The following SLC9A1 variants were observed in gnomAD, a reference collection of about 807,000 sequenced individuals.
SLC9A1 encodes the protein sodium/hydrogen exchanger 1.
Under a neutral mutation model 67.9 loss-of-function variants are expected in SLC9A1, and 22 were observed. The observed-to-expected ratio is 0.32, with a 90% CI of 0.23 to 0.46. The LOEUF (loss-of-function observed/expected upper bound fraction) is 0.46, where lower values mean the gene tolerates loss of function less well. Ranked by LOEUF, SLC9A1 falls within the 20% of genes least tolerant of loss-of-function variation. The pLI, the probability that SLC9A1 is intolerant of heterozygous loss-of-function variation, is 1.00. For missense variants in SLC9A1, 686 were observed against 1,094.8 expected (o/e 0.63, Z 5.27); for synonymous variants, 421 against 471.8 (o/e 0.89, Z 1.40).
intron 1 of SLC9A1, among the ~76,000 whole-genome samples, chr1:27,148,552 G>A (rs948007824): frequency 6.6e-6 from 1 of 152,062 alleles, no homozygotes; most frequent in Non-Finnish European, 1.5e-5. Flanking sequence ...ATTAGTCCCA[G>A]GCATGCTAAG....
chr1:27,109,918 G>T lies in SLC9A1; in HGVS notation c.814-141C>A. ...CACACGGTAGCAGAGAAACCCTAGT[G>T]CCAAGCAGGTGCTCAAAACCTCAGC... On this transcript the variant is annotated intron_variant, in intron 2 of 11. Coordinates refer to ENST00000263980, the MANE Select transcript of SLC9A1 (RefSeq NM_003047.5). The surrounding 1 kb of genome is among the most constrained non-coding windows in gnomAD (Gnocchi z 5.5). 2 of 984,148 alleles carry T rather than the reference G, an allele frequency of 2.0e-6. No homozygotes were observed. The highest frequency in any genetic ancestry group is 3.0e-6 in the Non-Finnish European group (2 of 666,644). The allele number at this position is 984,148 out of a possible 1,614,324, so 61.0% of individuals were successfully genotyped here.
Position 27,100,484 on chromosome 1 carries a change from G to A in SLC9A1, c.2271C>T (p.Asp757=), listed in dbSNP as rs748647066. The part of the protein sequence containing the change: ...DPAKVAEEDE[D]DDGGIMMRSK... Reference sequence around the variant, plus strand: ...TCCGCATCATGATGCCCCCATCGTCGTCCTCGTCCTCCTCAGCCACCTTTG... The same window carrying A: ...TCCGCATCATGATGCCCCCATCGTCATCCTCGTCCTCCTCAGCCACCTTTG... Residue 757 remains aspartate, a synonymous_variant, in exon 12 of 12, where the codon GAC becomes GAT. Coordinates refer to ENST00000263980, the MANE Select transcript of SLC9A1 (RefSeq NM_003047.5). The surrounding 1 kb of genome is among the most constrained non-coding windows in gnomAD (Gnocchi z 5.6). The A allele has an allele frequency of 6.3e-5, 101 of 1,613,944 alleles. No individual in the cohort carries two copies. In the African/African-American group the frequency reaches 7.5e-4, roughly 12 times the overall value.
intron 1 of SLC9A1, among the ~76,000 whole-genome samples, chr1:27,128,536 G>A (rs2083361218): frequency 6.6e-6 from 1 of 151,806 alleles, no homozygotes; most frequent in African/African-American, 2.4e-5. Flanking sequence ...CATACCTGTA[G>A]TCCCAGCTAC....
chr1:27,100,609 C>T lies in SLC9A1; in HGVS notation c.2146G>A (p.Val716Ile). The T allele has an allele frequency of 1.2e-6, 2 of 1,612,640 alleles. No homozygotes were observed. The highest frequency in any genetic ancestry group is 1.7e-6 in the Non-Finnish European group (2 of 1,179,078). ...LAYEPKEDLP[V>I]ITIDPASPQS... ...GGGGAAGCCGGGTCGATGGTGATGA[C>T]AGGCAGGTCCTCCTTCGGCTCATAG... The change falls in exon 12 of 12, where the codon GTC becomes ATC. Residue 716 changes from valine to isoleucine, a missense_variant. By Grantham distance (29) the Val-to-Ile change is conservative. Around this residue, in one of 7 missense-constraint regions of SLC9A1, gnomAD observed 226 missense variants for 282.4 expected, o/e 0.80. Coordinates refer to ENST00000263980, the MANE Select transcript of SLC9A1 (RefSeq NM_003047.5). The surrounding 1 kb of genome is among the most constrained non-coding windows in gnomAD (Gnocchi z 5.6).
chr1:27,153,904 C>A, intron 1 of SLC9A1, 79 bp downstream of exon 1: 2 of 934,680 alleles, frequency 2.1e-6, no homozygotes, highest in Non-Finnish European at 3.3e-6. Context: ...TACTCCTGGA[C>A]AGCCTCAAAT....
chr1:27,136,070 A>AG (rs1385813154), intron 1 of SLC9A1, among the ~76,000 whole-genome samples: 3 of 152,170 alleles, frequency 2.0e-5, no homozygotes, highest in African/African-American at 7.2e-5. Context: ...ACTGCCCAGA[A>AG]GGATGCCTTG....
At chr1:27,124,125 A>G (rs1169360374) in intron 1 of SLC9A1, among the ~76,000 whole-genome samples, 1 of 152,052 alleles carries the variant, frequency 6.6e-6, no homozygotes, top group African/African-American at 2.4e-5. Context: ...GACTGCTGTC[A>G]GGACTTACAG....
At chr1:27,103,407 G>T in intron 5 of SLC9A1, 95 bp from the exon 6 acceptor site, 1 of 869,426 alleles carries the variant, frequency 1.2e-6, no homozygotes, top group Non-Finnish European at 2.0e-6. Context: ...CCAAGGCTAG[G>T]ATGCCCTCTC....
intron 1 of SLC9A1, among the ~76,000 whole-genome samples, chr1:27,150,758 C>T (rs1217341006): frequency 1.3e-5 from 2 of 152,168 alleles, no homozygotes; most frequent in African/African-American, 4.8e-5. Context: ...TCTAGAACTT[C>T]AGCTCCCACC....
At chr1:27,102,295 G>A in intron 8 of SLC9A1, 90 bp downstream of exon 8, 1 of 1,462,806 alleles carries the variant, frequency 6.8e-7, no homozygotes, top group Non-Finnish European at 9.4e-7. Context: ...CAGGACAACA[G>A]AAGACCCCGC....
At position 27,106,315 on chromosome 1, in the gene SLC9A1, A is replaced by T. The variant is rs952960713; in HGVS notation, c.1283-228T>A. ...AACCTGGATGTGCTTTAGAGACATCATGGAGGCCTCCAGTGGCTGGAGGGC... is the reference window on the plus strand; with the variant it reads ...AACCTGGATGTGCTTTAGAGACATCTTGGAGGCCTCCAGTGGCTGGAGGGC... On this transcript the variant is annotated intron_variant, in intron 4 of 11. Transcript: ENST00000263980. This position sits in a 1 kb window ranked among gnomAD's most constrained non-coding sequence, Gnocchi z 4.3. Among the ~76,000 whole-genome samples the T allele has an allele frequency of 6.6e-6, 1 of 152,180 alleles. No individual in the cohort carries two copies. Among genetic ancestry groups the T allele is most frequent in the African/African-American group, 2.4e-5 (1 of 41,452 alleles).
intron 1 of SLC9A1, among the ~76,000 whole-genome samples, chr1:27,135,229 T>C (rs1014959524): frequency 6.6e-6 from 1 of 151,918 alleles, no homozygotes; most frequent in African/African-American, 2.4e-5. Context: ...TTTTATTTTA[T>C]TTTTGTAGAG....
chr1:27,102,286 A>G lies in SLC9A1; in HGVS notation c.1820+99T>C, dbSNP rs968640370. The G allele has an allele frequency of 1.4e-5, 20 of 1,418,322 alleles. No homozygotes were observed. In the Admixed American group the frequency reaches 3.8e-4, roughly 27 times the overall value. The allele number at this position is 1,418,322 out of a possible 1,614,324, so 87.9% of individuals were successfully genotyped here. ...CCACAGCTCTCTTGTCCGCCCCAACAGGACAACAGAAGACCCCGCCCCCCA... is the reference window on the plus strand; with the variant it reads ...CCACAGCTCTCTTGTCCGCCCCAACGGGACAACAGAAGACCCCGCCCCCCA... On this transcript the variant is annotated intron_variant, in intron 8 of 11. Transcript: ENST00000263980.
intron 1 of SLC9A1, among the ~76,000 whole-genome samples, chr1:27,145,156 A>G (rs947286141): frequency 2.0e-5 from 3 of 151,812 alleles, no homozygotes; most frequent in African/African-American, 7.3e-5. Flanking sequence ...GGTACTAAGT[A>G]TAGCCTGCTT....
In SLC9A1 at chr1:27,154,253, G is replaced by A. The variant is rs1343323453; in HGVS notation, c.82C>T (p.Leu28=). Residue 28 remains leucine, a synonymous_variant, in exon 1 of 12, where the codon CTG becomes TTG. Transcript: ENST00000263980. ...SLLVVVALVG[L]LPVLRSHGLQ... ...CCATGGCTCCTGAGAACAGGCAGCA[G>A]CCCCACCAAAGCAACCACCACGAGT... The A allele has an allele frequency of 5.6e-6, 9 of 1,613,750 alleles. No homozygotes were observed. In the South Asian group the frequency reaches 8.8e-5, roughly 16 times the overall value.
chr1:27,113,464 C>CA (rs1557741957), intron 2 of SLC9A1, among the ~76,000 whole-genome samples: 1 of 152,186 alleles, frequency 6.6e-6, no homozygotes, highest in South Asian at 2.1e-4. Context: ...TCTTAAAAAA[C>CA]AAAAAGCAAG....
At position 27,099,556 on chromosome 1, in the gene SLC9A1, T is replaced by C. The variant is rs569394225; in HGVS notation, c.*751A>G. 6 of 152,764 alleles carry C rather than the reference T, an allele frequency of 3.9e-5. No individual in the cohort carries two copies. Among genetic ancestry groups the C allele is most frequent in the Non-Finnish European group, 8.8e-5 (6 of 68,126 alleles). 9.5% of individuals were successfully genotyped at this position (152,764 alleles called of 1,614,324 possible). On this transcript the variant is annotated 3_prime_UTR_variant, in exon 12 of 12. Transcript: ENST00000263980. ...CGCCCTCTGTGCAAACAATCATATA[T>C]AGGAGTGTGAACAAACAAAACTTAA... is the stretch of plus-strand genomic sequence containing the variant.
At position 27,105,806 on chromosome 1, in the gene SLC9A1, C is replaced by T. The variant is rs746486443; in HGVS notation, c.1485+79G>A. 3.1e-6 allele frequency: 4 copies of T among 1,285,486 alleles called. No homozygotes were observed. The South Asian group carries it at 3.6e-5, about 12-fold the overall frequency. 79.6% of individuals were successfully genotyped at this position (1,285,486 alleles called of 1,614,324 possible). On this transcript the variant is annotated intron_variant, in intron 5 of 11. Transcript: ENST00000263980. ...CTGGGACTAGAATCGCATTTCAAATCACACGCTTTCCTCTCTTTCCACGGG... is the reference window on the plus strand; with the variant it reads ...CTGGGACTAGAATCGCATTTCAAATTACACGCTTTCCTCTCTTTCCACGGG...
At chr1:27,151,428 T>C (rs1203274123) in intron 1 of SLC9A1, among the ~76,000 whole-genome samples, 1 of 152,166 alleles carries the variant, frequency 6.6e-6, no homozygotes, top group African/African-American at 2.4e-5. Flanking sequence ...TGGCGCAATC[T>C]TGGCTCACTG....
Sources: gnomAD v4.1 joint callset for allele counts (sites outside exome capture counted in the v4.1 genomes callset) on GRCh38, gnomAD v4.1.1 for gene constraint, gnomAD v4.1.1 regional missense constraint, Gnocchi (gnomAD v3.1) non-coding constraint, MANE v1.5 for transcripts, NCBI Gene and HGNC (gene_info 2026-07-23, HGNC 2026-07-21) for gene names.